ADPRH: variants seen among roughly 807,000 people sequenced by gnomAD.
ADPRH encodes the protein ADP-ribose-L-arginine cleaving enzyme.
ADPRH carries 27 observed loss-of-function variants against 28.8 expected under a neutral mutation model. That is an observed-to-expected ratio of 0.94 (90% CI 0.69 to 1.29). The LOEUF (loss-of-function observed/expected upper bound fraction) is 1.29, where lower values mean the gene tolerates loss of function less well. Among genes scored for constraint, ADPRH ranks in the 50% most tolerant of loss-of-function variants. The pLI is 0.00. For missense variants in ADPRH, 419 were observed against 444.8 expected (o/e 0.94, Z 0.52); for synonymous variants, 161 against 166.9 (o/e 0.96, Z 0.27).
chr3:119,589,626 G>A lies in ADPRH; in HGVS notation c.*1748G>A, dbSNP rs2082497288. ...ATCTTAGCATTTGTTGTTTTCTAGT[G>A]CAGGGCTTTAGCCACAATTGTAAAC... is the stretch of plus-strand genomic sequence containing the variant. On this transcript the variant is annotated 3_prime_UTR_variant, in exon 5 of 5. Coordinates refer to ENST00000357003, the MANE Select transcript of ADPRH (RefSeq NM_001125.4). The A allele has an allele frequency of 6.6e-6, 1 of 152,182 alleles. No homozygotes were observed. The highest frequency in any genetic ancestry group is 2.4e-5 in the African/African-American group (1 of 41,426). The allele number at this position is 152,182 out of a possible 1,614,324, so 9.4% of individuals were successfully genotyped here. A position where few individuals can be genotyped will look rare whatever the true frequency, so the allele number is the denominator to read the frequency against.
chr3:119,587,944 C>T lies in ADPRH; in HGVS notation c.*66C>T, dbSNP rs1385999851. ...TATTTCCTTTTCTGCTATTTCTTTTCAGTTTTTCCAAAGTCAAGAGTCTTA... is the reference window on the plus strand; with the variant it reads ...TATTTCCTTTTCTGCTATTTCTTTTTAGTTTTTCCAAAGTCAAGAGTCTTA... On this transcript the variant is annotated 3_prime_UTR_variant, in exon 5 of 5. Coordinates refer to ENST00000357003, the MANE Select transcript of ADPRH (RefSeq NM_001125.4). 4.0e-6 allele frequency: 6 copies of T among 1,490,492 alleles called. No homozygotes were observed. The highest frequency in any genetic ancestry group is 5.3e-6 in the Non-Finnish European group (6 of 1,122,062). 92.3% of individuals were successfully genotyped at this position (1,490,492 alleles called of 1,614,324 possible).
Position 119,586,398 on chromosome 3 carries a change from A to C in ADPRH, c.412A>C (p.Ile138Leu), listed in dbSNP as rs748650536. The C allele has an allele frequency of 6.2e-7, 1 of 1,614,248 alleles. No individual in the cohort carries two copies. Among genetic ancestry groups the C allele is most frequent in the Non-Finnish European group, 8.5e-7 (1 of 1,180,044 alleles). ...TGGGGCTGCCATGCGGGCCATGTGC[A>C]TCGGTCTCAGGTTCCCACACCATAG... is the stretch of plus-strand genomic sequence containing the variant. ...GCGAAMRAMC[I>L]GLRFPHHSQL... Residue 138 changes from isoleucine to leucine, a missense_variant, in exon 4 of 5, where the codon ATC becomes CTC. By Grantham distance (5) the Ile-to-Leu change is conservative. Coordinates refer to ENST00000357003, the MANE Select transcript of ADPRH (RefSeq NM_001125.4).
Position 119,587,918 on chromosome 3 carries a change from G to A in ADPRH, c.*40G>A, listed in dbSNP as rs780036879. 2 of 1,518,084 alleles carry A rather than the reference G, an allele frequency of 1.3e-6. No individual in the cohort carries two copies. Among genetic ancestry groups the A allele is most frequent in the Non-Finnish European group, 1.8e-6 (2 of 1,135,918 alleles). The allele number at this position is 1,518,084 out of a possible 1,614,324, so 94.0% of individuals were successfully genotyped here. ...CACTTCTGATGGATTCTTCTTTTGT[G>A]TATTTCCTTTTCTGCTATTTCTTTT... On this transcript the variant is annotated 3_prime_UTR_variant, in exon 5 of 5. Transcript: ENST00000357003.
chr3:119,583,013 C>T (rs1315662177), intron 3 of ADPRH, among the ~76,000 whole-genome samples: 1 of 152,188 alleles, frequency 6.6e-6, no homozygotes, highest in East Asian at 1.9e-4. Flanking sequence ...AAATTATCTT[C>T]TGTAAAACCG....
At position 119,587,558 on chromosome 3, in the gene ADPRH, A is replaced by G; in HGVS notation, c.754A>G (p.Lys252Glu). 6.2e-7 allele frequency: 1 copy of G among 1,613,292 alleles called. No homozygotes were observed. The stretch of plus-strand genomic sequence containing the variant: ...TACCTTCCCTGAGTCTTTCGGTGTG[A>G]AGGAGAGGGATCAGTTCTACACCTC... ...APTFPESFGVKERDQFYTSLS... is the reference protein window; with the variant it reads ...APTFPESFGVEERDQFYTSLS... The change falls in exon 5 of 5, where the codon AAG becomes GAG. Residue 252 changes from lysine (K) to glutamate (E), a missense_variant. Physicochemically the swap from Lys to Glu is moderately conservative, Grantham distance 56. Transcript: ENST00000357003.
At chr3:119,581,831 G>C (rs1461606077) in intron 2 of ADPRH, among the ~76,000 whole-genome samples, 1 of 152,224 alleles carries the variant, frequency 6.6e-6, no homozygotes, top group African/African-American at 2.4e-5. Context: ...TTGTAGTTAT[G>C]ATGATAGACT....
intron 3 of ADPRH, among the ~76,000 whole-genome samples, chr3:119,584,430 G>T (rs1405565875): frequency 1.3e-5 from 2 of 152,010 alleles, no homozygotes; most frequent in Non-Finnish European, 2.9e-5. Flanking sequence ...GGGTGTGATG[G>T]TGCACACCTG....
intron 4 of ADPRH, 44 bp from the exon 5 acceptor site, chr3:119,587,420 A>G (rs758676350): frequency 2.1e-6 from 3 of 1,455,464 alleles, no homozygotes; most frequent in Non-Finnish European, 2.7e-6. Context: ...ATGACTTTTC[A>G]CTTTATTTTT....
intron 3 of ADPRH, 109 bp from the exon 4 acceptor site, chr3:119,586,176 C>T: frequency 7.3e-6 from 11 of 1,515,208 alleles, no homozygotes; most frequent in East Asian, 2.3e-5. Context: ...TATTTTTTGG[C>T]TCTCCCTTTC....
chr3:119,587,684 C>T lies in ADPRH; in HGVS notation c.880C>T (p.His294Tyr). 6.2e-7 allele frequency: 1 copy of T among 1,614,174 alleles called. No homozygotes were observed. The highest frequency in any genetic ancestry group is 1.1e-5 in the South Asian group (1 of 91,062). The change falls in exon 5 of 5, where the codon CAC becomes TAC. Residue 294 changes from histidine to tyrosine, a missense_variant. Coordinates refer to ENST00000357003, the MANE Select transcript of ADPRH (RefSeq NM_001125.4). ...AAGDSWKELA[H>Y]RAFFHGGDSD... Reference sequence around the variant, plus strand: ...AGGAGACTCCTGGAAGGAGCTTGCCCACCGAGCCTTTTTCCATGGTGGAGA... The same window carrying T: ...AGGAGACTCCTGGAAGGAGCTTGCCTACCGAGCCTTTTTCCATGGTGGAGA...
intron 2 of ADPRH, 105 bp from the exon 3 acceptor site, chr3:119,582,029 T>C (rs978464972): frequency 3.6e-6 from 3 of 841,376 alleles, no homozygotes; most frequent in Non-Finnish European, 5.6e-6. Context: ...ACTGATACAA[T>C]GTCTGCAAGT....
chr3:119,587,908 CTTCTTTTGTGTATTTCCTTTTCTGCTA>C lies in ADPRH; in HGVS notation c.*33_*59del. 1 of 1,531,462 alleles carries C rather than the reference CTTCTTTTGTGTATTTCCTTTTCTGCTA, an allele frequency of 6.5e-7. No homozygotes were observed. The allele number at this position is 1,531,462 out of a possible 1,614,324, so 94.9% of individuals were successfully genotyped here. A position where few individuals can be genotyped will look rare whatever the true frequency, so the allele number is the denominator to read the frequency against. Reference sequence around the variant, plus strand: ...ACGTGATGTTCACTTCTGATGGATTCTTCTTTTGTGTATTTCCTTTTCTGCTATTTCTTTTCAGTTTTTCCAAAGTCA... The same window carrying C: ...ACGTGATGTTCACTTCTGATGGATTCTTTCTTTTCAGTTTTTCCAAAGTCA... On this transcript the variant is annotated 3_prime_UTR_variant, in exon 5 of 5. Transcript: ENST00000357003.
Position 119,587,691 on chromosome 3 carries a change from C to A in ADPRH, c.887C>A (p.Ala296Asp), listed in dbSNP as rs2082476999. 6.2e-7 allele frequency: 1 copy of A among 1,614,036 alleles called. No homozygotes were observed. Among genetic ancestry groups the A allele is most frequent in the Non-Finnish European group, 8.5e-7 (1 of 1,180,030 alleles). ...TCCTGGAAGGAGCTTGCCCACCGAG[C>A]CTTTTTCCATGGTGGAGACAGTGAT... ...GDSWKELAHR[A>D]FFHGGDSDST... Residue 296 changes from alanine (A) to aspartate (D), a missense_variant, in exon 5 of 5, where the codon GCC becomes GAC. Coordinates refer to ENST00000357003, the MANE Select transcript of ADPRH (RefSeq NM_001125.4).
Position 119,587,995 on chromosome 3 carries a change from T to C in ADPRH, c.*117T>C. 1.7e-6 allele frequency: 2 copies of C among 1,197,610 alleles called. No individual in the cohort carries two copies. Among genetic ancestry groups the C allele is most frequent in the Non-Finnish European group, 2.3e-6 (2 of 880,210 alleles). The allele number at this position is 1,197,610 out of a possible 1,614,324, so 74.2% of individuals were successfully genotyped here. On this transcript the variant is annotated 3_prime_UTR_variant, in exon 5 of 5. Transcript: ENST00000357003. ...ACCTTGTACTCAGGGAATTTTGAGA[T>C]AACAAGTCCCTTGGGCACCTTAAGC...
chr3:119,580,103 G>A (rs2082392596), intron 1 of ADPRH: 1 of 152,284 alleles, frequency 6.6e-6, no homozygotes. Context: ...GAAAGCGAAC[G>A]TTAAAGGGAA....
chr3:119,582,301 T>A lies in ADPRH; in HGVS notation c.132T>A (p.Asp44Glu), dbSNP rs773483617. 2 of 1,614,172 alleles carry A rather than the reference T, an allele frequency of 1.2e-6. No individual in the cohort carries two copies. Among genetic ancestry groups the A allele is most frequent in the Non-Finnish European group, 1.7e-6 (2 of 1,180,030 alleles). Residue 44 changes from aspartate (D) to glutamate (E), a missense_variant, in exon 3 of 5, where the codon GAT (aspartate) becomes GAA (glutamate). Coordinates refer to ENST00000357003, the MANE Select transcript of ADPRH (RefSeq NM_001125.4). The part of the protein sequence containing the change: ...HRQLAQLGGL[D>E]ALDVGRWRVS... ...AGTTGGCCCAGCTGGGCGGCTTGGA[T>A]GCCCTAGACGTGGGAAGGTGGAGAG...
rs776593660 is a variant in ADPRH at position 119,587,853 on chromosome 3, A to G, written c.1049A>G (p.Lys350Arg). Residue 350 changes from lysine (K) to arginine (R), a missense_variant, in exon 5 of 5, where the codon AAA becomes AGA. Coordinates refer to ENST00000357003, the MANE Select transcript of ADPRH (RefSeq NM_001125.4). ...AGGGCTTTATATTCTCTCGGGTCAAAAGAAGACACTGTAATTTCCCTTTAG... is the reference window on the plus strand; with the variant it reads ...AGGGCTTTATATTCTCTCGGGTCAAGAGAAGACACTGTAATTTCCCTTTAG... Reference protein sequence around the residue: ...TARALYSLGSKEDTVISL With the variant: ...TARALYSLGSREDTVISL The G allele has an allele frequency of 6.2e-7, 1 of 1,604,352 alleles. No homozygotes were observed. Among genetic ancestry groups the G allele is most frequent in the Non-Finnish European group, 8.5e-7 (1 of 1,174,566 alleles).
chr3:119,584,143 G>A (rs994548263), intron 3 of ADPRH, among the ~76,000 whole-genome samples: 1 of 152,040 alleles, frequency 6.6e-6, no homozygotes, highest in African/African-American at 2.4e-5. Flanking sequence ...TGAAGAACAT[G>A]TACAAAGATG....
intron 4 of ADPRH, among the ~76,000 whole-genome samples, chr3:119,586,901 A>G (rs1365563385): frequency 5.3e-5 from 8 of 152,150 alleles, no homozygotes. Context: ...TTTTGTGGCT[A>G]TCCTATTCTG....
Sources: allele counts gnomAD v4.1 joint callset (sites outside exome capture counted in the v4.1 genomes callset), GRCh38; gene constraint gnomAD v4.1.1; transcripts MANE v1.5; gene names NCBI Gene and HGNC (gene_info 2026-07-23, HGNC 2026-07-21).